Variants in L3MBTL4 observed in about 807,000 individuals in gnomAD.
L3MBTL4 encodes the protein L3MBTL histone methyl-lysine binding protein 4.
In L3MBTL4, 70 loss-of-function variants were observed where a neutral mutation model predicts 84.5. The observed-to-expected ratio is 0.83, with a 90% CI of 0.68 to 1.01. The LOEUF (loss-of-function observed/expected upper bound fraction) is 1.01, where lower values mean the gene tolerates loss of function less well. Ranked by LOEUF, L3MBTL4 falls within the 50% of genes least tolerant of loss-of-function variation. The pLI is 0.00. For missense variants in L3MBTL4, 715 were observed against 754.8 expected, an observed-to-expected ratio of 0.95 and a Z score of 0.62; for synonymous variants, 274 against 259.8, an observed-to-expected ratio of 1.05 and a Z score of -0.52.
At chr18:6,207,274 A>G (rs1194909922) in intron 12 of L3MBTL4, among the ~76,000 whole-genome samples, 1 of 152,264 alleles carries the variant, frequency 6.6e-6, no homozygotes, top group East Asian at 1.9e-4. Context: ...GGCTCCTTAC[A>G]AAAAAGGCAC....
intron 13 of L3MBTL4, among the ~76,000 whole-genome samples, chr18:6,164,565 A>G (rs1011180371): frequency 6.6e-6 from 1 of 152,234 alleles, no homozygotes; most frequent in African/African-American, 2.4e-5. Context: ...TACCCAGGCA[A>G]ACAGGGTCTG....
intron 16 of L3MBTL4, among the ~76,000 whole-genome samples, chr18:6,013,138 T>G (rs1243365725): frequency 6.6e-6 from 1 of 152,174 alleles, no homozygotes; most frequent in African/African-American, 2.4e-5. Flanking sequence ...TCCCTGTAGG[T>G]CCAATTCTGA....
intron 16 of L3MBTL4, among the ~76,000 whole-genome samples, chr18:5,996,259 G>T (rs534661706): frequency 6.6e-6 from 1 of 152,216 alleles, no homozygotes; most frequent in African/African-American, 2.4e-5. Flanking sequence ...GATTTTTTCC[G>T]AAATAGATGA....
At chr18:5,959,279 C>T (rs2095250169) in intron 18 of L3MBTL4, among the ~76,000 whole-genome samples, 3 of 152,170 alleles carry the variant, frequency 2.0e-5, no homozygotes, top group South Asian at 4.1e-4. Context: ...TTGCCCTTTT[C>T]TTGCTCTGCC....
rs917885129 is a variant in L3MBTL4 at position 6,103,373 on chromosome 18, G to T, written c.1200-9845C>A. ...TGGTTAAGTGGTATGAACATGTCAA[G>T]ATTAGTTTTAATTGAAATATTCTAG... On this transcript the variant is annotated intron_variant, in intron 14 of 18. Coordinates refer to ENST00000317931, the MANE Select transcript of L3MBTL4 (RefSeq NM_001330559.2). Among the ~76,000 whole-genome samples the T allele has an allele frequency of 4.4e-4, 67 of 152,232 alleles. 1 individual carries two copies. The highest frequency in any genetic ancestry group is 6.8e-3 in the Middle Eastern group (2 of 294).
In L3MBTL4 at chr18:6,220,723, G is replaced by C. The variant is rs967431531; in HGVS notation, c.785-4888C>G. On this transcript the variant is annotated intron_variant, in intron 10 of 18. Coordinates refer to ENST00000317931, the MANE Select transcript of L3MBTL4 (RefSeq NM_001330559.2). ...TACAGCTGGTATTCAGTAAGTATTT[G>C]GTAAATATTTGTTGAATGAATAAAA... Among the ~76,000 whole-genome samples, 12 of 152,140 alleles carry C rather than the reference G, an allele frequency of 7.9e-5. No individual in the cohort carries two copies. The South Asian group carries it at 8.3e-4, about 11-fold the overall frequency.
intron 14 of L3MBTL4, among the ~76,000 whole-genome samples, chr18:6,130,063 G>C (rs2059825657): frequency 6.6e-6 from 1 of 152,094 alleles, no homozygotes; most frequent in African/African-American, 2.4e-5. Flanking sequence ...AGTGAATAAA[G>C]ACTATGTCTG....
chr18:6,146,514 T>TG (rs1240422523), intron 13 of L3MBTL4, among the ~76,000 whole-genome samples: 1 of 152,212 alleles, frequency 6.6e-6, no homozygotes, highest in Non-Finnish European at 1.5e-5. Flanking sequence ...ACCTGGCCGC[T>TG]GGGTTTCGCA....
intron 16 of L3MBTL4, among the ~76,000 whole-genome samples, chr18:6,020,947 G>C (rs2055221892): frequency 6.6e-6 from 1 of 152,206 alleles, no homozygotes; most frequent in African/African-American, 2.4e-5. Context: ...CAGAGACTGG[G>C]AGAGAAGAGA....
At chr18:6,119,360 T>C (rs774191335) in intron 14 of L3MBTL4, among the ~76,000 whole-genome samples, 1 of 152,218 alleles carries the variant, frequency 6.6e-6, no homozygotes, top group Non-Finnish European at 1.5e-5. Flanking sequence ...AGGCACAGTC[T>C]AACACACAGA....
chr18:6,035,389 C>T (rs1401981884), intron 16 of L3MBTL4, among the ~76,000 whole-genome samples: 1 of 151,850 alleles, frequency 6.6e-6, no homozygotes, highest in African/African-American at 2.4e-5. Flanking sequence ...TTCCCAGCAC[C>T]ATTTATTAAA....
chr18:6,271,061 G>C (rs2048846322), intron 4 of L3MBTL4, among the ~76,000 whole-genome samples: 1 of 152,148 alleles, frequency 6.6e-6, no homozygotes, highest in Admixed American at 6.5e-5. Context: ...TGAGGGGAAC[G>C]GTGAAATGAA....
At chr18:6,397,199 G>A (rs1323479503) in intron 1 of L3MBTL4, 2 of 152,162 alleles carry the variant, frequency 1.3e-5, no homozygotes, top group Admixed American at 6.6e-5. Context: ...TGCAAAGCAC[G>A]AGACCAGGAG....
At chr18:5,958,106 GA>G in intron 18 of L3MBTL4, among the ~76,000 whole-genome samples, 1 of 91,464 alleles carries the variant, frequency 1.1e-5, no homozygotes, top group Non-Finnish European at 2.0e-5. Context: ...AGAAGAAGAA[GA>G]AGAAGAAGAA....
chr18:6,203,563 A>G (rs1360659750), intron 12 of L3MBTL4, among the ~76,000 whole-genome samples: 6 of 152,162 alleles, frequency 3.9e-5, no homozygotes. Flanking sequence ...TACCTGACTC[A>G]CTGTGGAGGG....
intron 17 of L3MBTL4, 142 bp downstream of exon 17, chr18:5,969,251 T>A: frequency 1.1e-6 from 1 of 871,386 alleles, no homozygotes; most frequent in East Asian, 2.6e-5. Flanking sequence ...CTAATTTAGG[T>A]TTTAAAGTTT....
rs535238476 is a variant in L3MBTL4, at chr18:6,152,245, C to T, written c.1097-13949G>A. On this transcript the variant is annotated intron_variant, in intron 13 of 18. Transcript: ENST00000317931. ...TATTTCATTTCATTTGGATACATAC[C>T]CAAAAGAGGGATTGCTGGATCTCAT... is the stretch of plus-strand genomic sequence containing the variant. 1.5e-3 allele frequency among the ~76,000 whole-genome samples: 221 copies of T among 151,990 alleles called. 2 individuals carry two copies. Among genetic ancestry groups the T allele is most frequent in the Admixed American group, 2.6e-3 (39 of 15,252 alleles).
rs79393246 is a variant in L3MBTL4 at position 6,029,043 on chromosome 18, G to A, written c.1444+51838C>T. Among the ~76,000 whole-genome samples, 547 of 152,268 alleles carry A rather than the reference G, an allele frequency of 3.6e-3. 5 individuals are homozygous for A. The highest frequency in any genetic ancestry group is 0.013 in the African/African-American group (523 of 41,558). ...TTTCTCTGAATGTTAAACAGAATTTGTAAAGAAACCTAAAAAGTGAAAGTT... is the reference window on the plus strand; with the variant it reads ...TTTCTCTGAATGTTAAACAGAATTTATAAAGAAACCTAAAAAGTGAAAGTT... On this transcript the variant is annotated intron_variant, in intron 16 of 18. Coordinates refer to ENST00000317931, the MANE Select transcript of L3MBTL4 (RefSeq NM_001330559.2).
intron 10 of L3MBTL4, among the ~76,000 whole-genome samples, chr18:6,225,626 C>T (rs765407403): frequency 1.3e-5 from 2 of 151,358 alleles, no homozygotes; most frequent in African/African-American, 2.4e-5. Flanking sequence ...TGGGTGTGGT[C>T]GTACACACCT....
Sources: allele counts gnomAD v4.1 joint callset (sites outside exome capture counted in the v4.1 genomes callset), GRCh38; gene constraint gnomAD v4.1.1; transcripts MANE v1.5; gene names NCBI Gene and HGNC (gene_info 2026-07-23, HGNC 2026-07-21).